Variants in CNTNAP5 observed in about 807,000 individuals in gnomAD.
CNTNAP5 encodes the protein contactin-associated protein-like 5.
In CNTNAP5, 72 loss-of-function variants were observed where a neutral mutation model predicts 150.2. The observed-to-expected ratio is 0.48, with a 90% CI of 0.40 to 0.58. The LOEUF (loss-of-function observed/expected upper bound fraction) is 0.58. Among genes scored for constraint, CNTNAP5 ranks in the 20% least tolerant of loss-of-function variants. The probability of loss-of-function intolerance (pLI) is 0.00; values close to 1 mark genes in which losing one functional copy is unlikely to be tolerated. For missense variants in CNTNAP5, 1,636 were observed against 1,626.2 expected (o/e 1.01, Z -0.10); for synonymous variants, 672 against 619.8 (o/e 1.08, Z -1.25).
chr2:124,729,294 C>G (rs1680222092), intron 13 of CNTNAP5, among the ~76,000 whole-genome samples: 1 of 151,886 alleles, frequency 6.6e-6, no homozygotes, highest in African/African-American at 2.4e-5. Flanking sequence ...TAATGTAATA[C>G]AATGAAATAC....
chr2:124,034,946 G>A (rs1681168579), intron 1 of CNTNAP5, among the ~76,000 whole-genome samples: 1 of 151,830 alleles, frequency 6.6e-6, no homozygotes, highest in South Asian at 2.1e-4. Context: ...TAAAAATCAG[G>A]TACTGCATCA....
At chr2:124,288,214 G>T (rs577837003) in intron 3 of CNTNAP5, among the ~76,000 whole-genome samples, 2 of 152,310 alleles carry the variant, frequency 1.3e-5, no homozygotes, top group East Asian at 3.9e-4. Flanking sequence ...ACAGACATGA[G>T]CCACTGCACC....
chr2:124,838,572 C>A (rs1682878235), intron 19 of CNTNAP5, among the ~76,000 whole-genome samples: 1 of 152,166 alleles, frequency 6.6e-6, no homozygotes, highest in African/African-American at 2.4e-5. Context: ...ACATTCCTAA[C>A]TTACTATAAA....
At chr2:124,521,986 C>T (rs2104884098) in intron 8 of CNTNAP5, among the ~76,000 whole-genome samples, 2 of 152,236 alleles carry the variant, frequency 1.3e-5, no homozygotes, top group East Asian at 3.9e-4. Context: ...TCTTCTTCAC[C>T]CCAAGCAGAT....
At chr2:124,029,893 T>G (rs560270015) in intron 1 of CNTNAP5, among the ~76,000 whole-genome samples, 5 of 152,194 alleles carry the variant, frequency 3.3e-5, no homozygotes, top group African/African-American at 1.2e-4. Flanking sequence ...GATGAGAAGG[T>G]GGAGAAAAGA....
At chr2:124,641,411 C>G (rs1247995289) in intron 12 of CNTNAP5, among the ~76,000 whole-genome samples, 1 of 152,088 alleles carries the variant, frequency 6.6e-6, no homozygotes, top group Non-Finnish European at 1.5e-5. Context: ...CCATGAAGCC[C>G]TTTCCAAGCC....
chr2:124,084,859 G>C (rs1682642120), intron 1 of CNTNAP5, among the ~76,000 whole-genome samples: 1 of 150,068 alleles, frequency 6.7e-6, no homozygotes, highest in South Asian at 2.1e-4. Context: ...TAATACTCCA[G>C]TGAAACTATC....
chr2:124,707,204 G>GAAGAAGAAGAAGAAT lies in CNTNAP5; in HGVS notation c.2078-40023_2078-40022insGAAGAAGAAGAATAA, dbSNP rs1010621414. ...AGAAGAAGAAGAAGAAGAAGAAGAA[G>GAAGAAGAAGAAGAAT]AATAAACAACTTGGGATCATTCACT... On this transcript the variant is annotated intron_variant, in intron 13 of 23. Coordinates refer to ENST00000682447, the MANE Select transcript of CNTNAP5 (RefSeq NM_001367498.1). 9.8e-4 allele frequency among the ~76,000 whole-genome samples: 140 copies of GAAGAAGAAGAAGAAT among 142,684 alleles called. 1 individual carries two copies. Among genetic ancestry groups the GAAGAAGAAGAAGAAT allele is most frequent in the Non-Finnish European group, 1.8e-3 (114 of 65,104 alleles). 93.6% of individuals were successfully genotyped at this position (142,684 alleles called of 152,430 possible). A position where few individuals can be genotyped will look rare whatever the true frequency, so the allele number is the denominator to read the frequency against.
At chr2:124,096,495 A>G (rs933968829) in intron 1 of CNTNAP5, among the ~76,000 whole-genome samples, 3 of 152,090 alleles carry the variant, frequency 2.0e-5, no homozygotes, top group African/African-American at 4.8e-5. Flanking sequence ...TCATTTCTAA[A>G]TGCACTTCCT....
At chr2:124,568,881 T>TA (rs922477444) in intron 11 of CNTNAP5, among the ~76,000 whole-genome samples, 5 of 151,586 alleles carry the variant, frequency 3.3e-5, no homozygotes, top group African/African-American at 2.4e-5. Flanking sequence ...CCGTCTCTAC[T>TA]AAAAAAAATA....
chr2:124,513,429 G>A (rs2104874476), intron 8 of CNTNAP5, among the ~76,000 whole-genome samples: 1 of 152,260 alleles, frequency 6.6e-6, no homozygotes. Context: ...TTCAGCTCAT[G>A]CAATGTATAT....
intron 13 of CNTNAP5, among the ~76,000 whole-genome samples, chr2:124,711,782 A>G (rs2105104291): frequency 6.6e-6 from 1 of 152,268 alleles, no homozygotes; most frequent in East Asian, 1.9e-4. Flanking sequence ...TGGAGGTTGC[A>G]GTGAGCCAAG....
chr2:124,319,107 C>T (rs981055157), intron 3 of CNTNAP5, among the ~76,000 whole-genome samples: 4 of 152,250 alleles, frequency 2.6e-5, no homozygotes, highest in Admixed American at 2.6e-4. Flanking sequence ...TTCCTCTCTG[C>T]ACTTGGCATG....
intron 7 of CNTNAP5, among the ~76,000 whole-genome samples, chr2:124,493,576 G>A (rs1276330607): frequency 1.3e-5 from 2 of 151,942 alleles, no homozygotes; most frequent in East Asian, 3.9e-4. Context: ...TCCTGACCTC[G>A]TGATCCGCCT....
intron 1 of CNTNAP5, among the ~76,000 whole-genome samples, chr2:124,209,430 A>G (rs768272786): frequency 6.6e-6 from 1 of 152,226 alleles, no homozygotes; most frequent in Non-Finnish European, 1.5e-5. Context: ...AATCACACTC[A>G]TAGGACAAAT....
At chr2:124,523,855 A>G (rs1399081410) in intron 8 of CNTNAP5, among the ~76,000 whole-genome samples, 1 of 152,204 alleles carries the variant, frequency 6.6e-6, no homozygotes, top group Non-Finnish European at 1.5e-5. Context: ...CTTTAAAAAT[A>G]GCTTACTTTT....
chr2:124,614,998 C>A (rs1242167988), intron 12 of CNTNAP5, among the ~76,000 whole-genome samples: 1 of 142,690 alleles, frequency 7.0e-6, no homozygotes, highest in African/African-American at 2.6e-5. Flanking sequence ...AAAAAAAAAA[C>A]CAAAGTCTAT....
chr2:124,765,969 T>C (rs951471965), intron 16 of CNTNAP5, among the ~76,000 whole-genome samples: 1 of 150,230 alleles, frequency 6.7e-6, no homozygotes, highest in African/African-American at 2.4e-5. Context: ...AAAAAAAAAA[T>C]AGGTTAAAAA....
chr2:124,701,659 C>A (rs534896685), intron 13 of CNTNAP5, among the ~76,000 whole-genome samples: 5 of 152,242 alleles, frequency 3.3e-5, no homozygotes, highest in Non-Finnish European at 7.4e-5. Flanking sequence ...TCCCTTCTAT[C>A]CACACCCTTG....
Sources: gnomAD v4.1 joint callset for allele counts (sites outside exome capture counted in the v4.1 genomes callset) on GRCh38, gnomAD v4.1.1 for gene constraint, MANE v1.5 for transcripts, NCBI Gene and HGNC (gene_info 2026-07-23, HGNC 2026-07-21) for gene names.